The following BRWD3 variants were observed in gnomAD, a reference collection of about 807,000 sequenced individuals.
The protein encoded by BRWD3 is bromodomain and WD repeat-containing protein 3.
A neutral mutation model predicts 149.7 loss-of-function variants in BRWD3; 10 were observed. The observed-to-expected ratio is 0.07, with a 90% CI of 0.04 to 0.11. The LOEUF is 0.11. Ranked by LOEUF, BRWD3 falls within the 10% of genes least tolerant of loss-of-function variation. The pLI is 1.00. For synonymous variants in BRWD3, 504 were observed against 456.7 expected, an observed-to-expected ratio of 1.10 and a Z score of -1.32; for missense variants, 940 against 1,373.2, an observed-to-expected ratio of 0.68 and a Z score of 4.99.
intron 40 of BRWD3, among the ~76,000 whole-genome samples, chrX:80,680,785 G>GT (rs1393767592): frequency 2.7e-5 from 3 of 109,706 alleles, no homozygotes; most frequent in Non-Finnish European, 5.7e-5. Context: ...TCTTCATTTA[G>GT]TTTTTTTCTC....
chrX:80,730,449 G>GAAAT (rs1299315883), intron 12 of BRWD3, among the ~76,000 whole-genome samples: 1 of 107,792 alleles, frequency 9.3e-6, no homozygotes, highest in Non-Finnish European at 1.9e-5. Flanking sequence ...AAGAAAGAAA[G>GAAAT]ACACAGTTAA....
At chrX:80,704,107 G>A (rs1168127806) in intron 23 of BRWD3, among the ~76,000 whole-genome samples, 1 of 111,313 alleles carries the variant, frequency 9.0e-6, no homozygotes, top group Non-Finnish European at 1.9e-5. Flanking sequence ...GTACACACCA[G>A]TAGTCCCAGC....
intron 20 of BRWD3, among the ~76,000 whole-genome samples, chrX:80,713,088 G>A (rs1429629029): frequency 1.9e-5 from 2 of 107,066 alleles, no homozygotes; most frequent in African/African-American, 3.4e-5. Context: ...CCCCCTGCCC[G>A]GCCAGCCGCC....
At chrX:80,750,597 G>C (rs1163910013) in intron 6 of BRWD3, among the ~76,000 whole-genome samples, 1 of 111,306 alleles carries the variant, frequency 9.0e-6, no homozygotes, top group Non-Finnish European at 1.9e-5. Context: ...TAAGGACATA[G>C]AGAAAAGGAA....
At chrX:80,775,182 A>G (rs997278324) in intron 6 of BRWD3, among the ~76,000 whole-genome samples, 1 of 111,720 alleles carries the variant, frequency 9.0e-6, no homozygotes, top group African/African-American at 3.3e-5. Flanking sequence ...AGTAATTGCA[A>G]CTGAGACCAA....
intron 33 of BRWD3, 106 bp from the exon 34 acceptor site, chrX:80,688,231 T>C: frequency 1.5e-6 from 1 of 645,980 alleles, no homozygotes; most frequent in East Asian, 3.3e-5. Context: ...CAGTTAACTT[T>C]CCCCACTGGA....
intron 12 of BRWD3, 29 bp from the exon 13 acceptor site, chrX:80,730,049 T>C: frequency 9.5e-7 from 1 of 1,047,158 alleles, no homozygotes; most frequent in Non-Finnish European, 1.3e-6. Flanking sequence ...ACTTTATTAA[T>C]TTTCTCAAAA....
intron 6 of BRWD3, among the ~76,000 whole-genome samples, chrX:80,786,531 T>TAC (rs1158576573): frequency 6.4e-5 from 7 of 110,157 alleles, no homozygotes; most frequent in Non-Finnish European, 1.3e-4. Flanking sequence ...TATATATATA[T>TAC]ATGGAGTCTT....
intron 6 of BRWD3, among the ~76,000 whole-genome samples, chrX:80,790,193 CAAAAAAAA>C (rs10711199): frequency 5.7e-5 from 2 of 35,318 alleles, no homozygotes; most frequent in Non-Finnish European, 9.6e-5. Context: ...GACTCTGTCT[CAAAAAAAA>C]AAAAAAAAAA....
chrX:80,752,522 G>A (rs1014012400), intron 6 of BRWD3, among the ~76,000 whole-genome samples: 1 of 111,533 alleles, frequency 9.0e-6, no homozygotes, highest in Admixed American at 9.5e-5. Flanking sequence ...CCTACCAACA[G>A]TGTGTTAAGA....
At chrX:80,781,710 C>A (rs947570997) in intron 6 of BRWD3, among the ~76,000 whole-genome samples, 8 of 111,131 alleles carry the variant, frequency 7.2e-5, no homozygotes, top group Admixed American at 9.7e-5. Context: ...TTTCTATATG[C>A]CAACAGAGCA....
At chrX:80,790,053 G>C (rs895624245) in intron 6 of BRWD3, among the ~76,000 whole-genome samples, 1 of 107,759 alleles carries the variant, frequency 9.3e-6, no homozygotes, top group Non-Finnish European at 1.9e-5. Context: ...GGATGTGGTG[G>C]TGCATGCCTG....
intron 14 of BRWD3, among the ~76,000 whole-genome samples, chrX:80,726,724 A>C (rs982661876): frequency 9.0e-6 from 1 of 111,249 alleles, no homozygotes; most frequent in African/African-American, 3.3e-5. Flanking sequence ...ACCTTGCTGA[A>C]AGAAAATATA....
intron 6 of BRWD3, among the ~76,000 whole-genome samples, chrX:80,780,627 C>T (rs1274002337): frequency 8.9e-6 from 1 of 111,743 alleles, no homozygotes; most frequent in African/African-American, 3.3e-5. Flanking sequence ...AGTTTAATTA[C>T]TTGCAGGTGT....
chrX:80,678,931 A>G (rs1018369004), intron 40 of BRWD3, among the ~76,000 whole-genome samples: 2 of 111,780 alleles, frequency 1.8e-5, no homozygotes, highest in Non-Finnish European at 3.8e-5. Flanking sequence ...GGGTGGGACT[A>G]TAACTCAACA....
intron 6 of BRWD3, among the ~76,000 whole-genome samples, chrX:80,785,586 C>A (rs2074100256): frequency 8.9e-6 from 1 of 111,770 alleles, no homozygotes; most frequent in African/African-American, 3.3e-5. Context: ...AGTGCAAAGT[C>A]CAGATAAGGT....
rs2072705966 is a variant in BRWD3, at chrX:80,696,795, C to T, written c.3012G>A (p.Lys1004=). 4 of 1,209,538 alleles carry T rather than the reference C, an allele frequency of 3.3e-6. No homozygotes were observed. Among genetic ancestry groups the T allele is most frequent in the Non-Finnish European group, 2.2e-6 (2 of 893,660 alleles). The part of the protein sequence containing the change: ...EVGPPTLCCL[K]LAFLDPISGK... ...CTGAAATTGGGTCCAGAAATGCAAG[C>T]TTCAAGCAGCACAGTGTGGGTGGGC... Residue 1004 remains lysine (K), a synonymous_variant, in exon 26 of 41, where the codon AAG becomes AAA. Transcript: ENST00000373275.
At chrX:80,710,158 T>C (rs1017346703) in intron 20 of BRWD3, 5 of 521,637 alleles carry the variant, frequency 9.6e-6, no homozygotes, top group Non-Finnish European at 1.8e-5. Context: ...CTGATGATGG[T>C]AAACTGTTAC....
chrX:80,681,001 G>T (rs1403946613), intron 40 of BRWD3, among the ~76,000 whole-genome samples: 7 of 86,092 alleles, frequency 8.1e-5, no homozygotes, highest in Non-Finnish European at 1.5e-4. Context: ...GTAGAGATTA[G>T]GTCTTGCTTT....
Sources: gnomAD v4.1 joint callset for allele counts (sites outside exome capture counted in the v4.1 genomes callset) on GRCh38, gnomAD v4.1.1 for gene constraint, MANE v1.5 for transcripts, NCBI Gene and HGNC (gene_info 2026-07-23, HGNC 2026-07-21) for gene names.